The following HSDL2 variants were observed in gnomAD, a reference collection of about 807,000 sequenced individuals.
HSDL2 encodes hydroxysteroid dehydrogenase like 2, also known as hydroxysteroid dehydrogenase-like protein 2.
In HSDL2, 27 loss-of-function variants were observed where a neutral mutation model predicts 46.3. The ratio of observed to expected loss-of-function variants is 0.58; its 90% CI spans 0.43 to 0.80. The LOEUF (loss-of-function observed/expected upper bound fraction) is 0.80, where lower values mean the gene tolerates loss of function less well. Among genes scored for constraint, HSDL2 ranks in the 30% least tolerant of loss-of-function variants. The pLI, the probability that HSDL2 is intolerant of heterozygous loss-of-function variation, is 0.00. For synonymous variants in HSDL2, 153 were observed against 163.6 expected, an observed-to-expected ratio of 0.94 and a Z score of 0.50; for missense variants, 451 against 502.7, an observed-to-expected ratio of 0.90 and a Z score of 0.98.
chr9:112,450,211 C>T (rs1295842824), intron 8 of HSDL2, among the ~76,000 whole-genome samples: 2 of 151,182 alleles, frequency 1.3e-5, no homozygotes, highest in African/African-American at 4.9e-5. Flanking sequence ...GGGATGATCA[C>T]TTGAGGACAT....
At chr9:112,409,855 GA>G (rs568149270) in intron 4 of HSDL2, among the ~76,000 whole-genome samples, 4,347 of 131,200 alleles carry the variant, frequency 0.033, 89 homozygotes, top group Non-Finnish European at 0.047. Flanking sequence ...TGTCTCCAAA[GA>G]AAAAAAAAAA....
chr9:112,416,806 T>A, intron 4 of HSDL2, 35 bp from the exon 5 acceptor site: 1 of 999,532 alleles, frequency 1.0e-6, no homozygotes, highest in Non-Finnish European at 1.6e-6. Context: ...GTTAGAAAGC[T>A]ATTAAATTTG....
intron 8 of HSDL2, among the ~76,000 whole-genome samples, chr9:112,446,708 C>T (rs1023326132): frequency 2.0e-5 from 3 of 152,216 alleles, no homozygotes; most frequent in African/African-American, 7.2e-5. Flanking sequence ...TCTTCCCCTC[C>T]CCATCCTTGT....
At chr9:112,426,422 G>A (rs1158159071) in intron 6 of HSDL2, among the ~76,000 whole-genome samples, 1 of 152,080 alleles carries the variant, frequency 6.6e-6, no homozygotes, top group Non-Finnish European at 1.5e-5. Context: ...TTTTAGTAGA[G>A]ACAGGGTTTC....
intron 8 of HSDL2, among the ~76,000 whole-genome samples, chr9:112,443,790 A>C (rs902852797): frequency 6.6e-6 from 1 of 152,214 alleles, no homozygotes; most frequent in Non-Finnish European, 1.5e-5. Context: ...AATTTATAAC[A>C]AAGAGTTGCC....
At chr9:112,465,330 T>C (rs557878604) in intron 10 of HSDL2, among the ~76,000 whole-genome samples, 1 of 152,160 alleles carries the variant, frequency 6.6e-6, no homozygotes. Flanking sequence ...AATTTCACCA[T>C]GTTGGCCAGG....
At chr9:112,428,742 C>G (rs1055817945) in intron 6 of HSDL2, among the ~76,000 whole-genome samples, 1 of 152,184 alleles carries the variant, frequency 6.6e-6, no homozygotes, top group South Asian at 2.1e-4. Flanking sequence ...TTTTCAACTT[C>G]TTTGCCTTTT....
Position 112,459,582 on chromosome 9 carries a change from G to C in HSDL2, c.1144+5G>C. On this transcript the variant is annotated splice_donor_5th_base_variant and intron_variant, in intron 10 of 10. Transcript: ENST00000398805. ...ACTTTGTAAAAATGTTTTCAGGTGAGTTTTCCAGTTTATTAGTTTACCTTA... is the reference window on the plus strand; with the variant it reads ...ACTTTGTAAAAATGTTTTCAGGTGACTTTTCCAGTTTATTAGTTTACCTTA... 2.5e-6 allele frequency: 4 copies of C among 1,611,770 alleles called. No homozygotes were observed. The highest frequency in any genetic ancestry group is 3.4e-6 in the Non-Finnish European group (4 of 1,178,198).
intron 8 of HSDL2, among the ~76,000 whole-genome samples, chr9:112,443,493 C>A (rs971359855): frequency 2.6e-5 from 4 of 152,190 alleles, no homozygotes; most frequent in Non-Finnish European, 5.9e-5. Flanking sequence ...GCTTTCCTAA[C>A]ACTTGAATAC....
At chr9:112,396,474 C>T (rs1831459773) in intron 1 of HSDL2, among the ~76,000 whole-genome samples, 1 of 152,124 alleles carries the variant, frequency 6.6e-6, no homozygotes, top group Admixed American at 6.6e-5. Context: ...AGAGCCCATC[C>T]CAGGGCCCCG....
chr9:112,401,615 CAT>C (rs1831597173), intron 1 of HSDL2, among the ~76,000 whole-genome samples: 1 of 150,888 alleles, frequency 6.6e-6, no homozygotes, highest in Non-Finnish European at 1.5e-5. Context: ...GGCCTGGGGC[CAT>C]AGTTTGCAGA....
At chr9:112,427,483 C>T (rs1832278216) in intron 6 of HSDL2, among the ~76,000 whole-genome samples, 2 of 152,152 alleles carry the variant, frequency 1.3e-5, no homozygotes, top group South Asian at 4.1e-4. Context: ...ACAAACATAC[C>T]TTAATATCAT....
chr9:112,400,887 T>G (rs1831575023), intron 1 of HSDL2, among the ~76,000 whole-genome samples: 1 of 152,232 alleles, frequency 6.6e-6, no homozygotes, highest in Non-Finnish European at 1.5e-5. Flanking sequence ...GAAGGACACC[T>G]GTCCGATTGG....
At chr9:112,380,480 G>T (rs894662042) in intron 1 of HSDL2, among the ~76,000 whole-genome samples, 1 of 152,216 alleles carries the variant, frequency 6.6e-6, no homozygotes, top group Non-Finnish European at 1.5e-5. Context: ...CCTGAGTTTA[G>T]CAGGAGTGCG....
At chr9:112,457,994 T>C (rs1833082168) in intron 9 of HSDL2, among the ~76,000 whole-genome samples, 1 of 152,222 alleles carries the variant, frequency 6.6e-6, no homozygotes, top group South Asian at 2.1e-4. Context: ...CTTCCTTCCA[T>C]GACACATCCT....
chr9:112,396,940 C>G (rs1043425617), intron 1 of HSDL2, among the ~76,000 whole-genome samples: 1 of 152,032 alleles, frequency 6.6e-6, no homozygotes, highest in Non-Finnish European at 1.5e-5. Flanking sequence ...CTGAGGTGTC[C>G]CATTTCATAT....
Position 112,404,086 on chromosome 9 carries a change from A to G in HSDL2, c.109A>G (p.Ile37Val), listed in dbSNP as rs1303572311. ...GAAAGCAGCAAAGGATGGAGCAAAT[A>G]TTGTTATTGCTGCAAAGACCGCCCA... ...ALKAAKDGAN[I>V]VIAAKTAQPH... The change falls in exon 2 of 11, where the codon ATT (isoleucine) becomes GTT (valine). Residue 37 changes from isoleucine to valine, a missense_variant. By Grantham distance (29) the Ile-to-Val change is conservative. Transcript: ENST00000398805. 7 of 1,614,042 alleles carry G rather than the reference A, an allele frequency of 4.3e-6. No individual in the cohort carries two copies. The highest frequency in any genetic ancestry group is 5.1e-6 in the Non-Finnish European group (6 of 1,180,016).
intron 7 of HSDL2, among the ~76,000 whole-genome samples, chr9:112,440,624 G>C (rs1486776060): frequency 6.6e-6 from 1 of 152,204 alleles, no homozygotes; most frequent in Non-Finnish European, 1.5e-5. Context: ...TGTAATCCCA[G>C]CACTTTGGGA....
intron 8 of HSDL2, among the ~76,000 whole-genome samples, chr9:112,448,623 C>T (rs1832803585): frequency 6.6e-6 from 1 of 152,090 alleles, no homozygotes; most frequent in Non-Finnish European, 1.5e-5. Context: ...TTCTTCTTGG[C>T]TCACTGCAAC....
Sources: gnomAD v4.1 joint callset for allele counts (sites outside exome capture counted in the v4.1 genomes callset) on GRCh38, gnomAD v4.1.1 for gene constraint, MANE v1.5 for transcripts, NCBI Gene and HGNC (gene_info 2026-07-23, HGNC 2026-07-21) for gene names.